Variants in HELB observed in about 807,000 individuals in gnomAD.
The protein encoded by HELB is DNA 5'-3' helicase B.
Under a neutral mutation model 101.7 loss-of-function variants are expected in HELB, and 96 were observed. The ratio of observed to expected loss-of-function variants is 0.94; its 90% CI spans 0.80 to 1.12. The LOEUF (loss-of-function observed/expected upper bound fraction) is 1.12, where lower values mean the gene tolerates loss of function less well. Among genes scored for constraint, HELB ranks in the 50% most tolerant of loss-of-function variants. HELB has a pLI of 0.00. For missense variants in HELB, 1,210 were observed against 1,291.9 expected (o/e 0.94, Z 0.97); for synonymous variants, 437 against 459.7 (o/e 0.95, Z 0.63).
Position 66,306,327 on chromosome 12 carries a change from CT to C in HELB, c.608-15del. The C allele has an allele frequency of 6.5e-7, 1 of 1,534,368 alleles. No individual in the cohort carries two copies. Among genetic ancestry groups the C allele is most frequent in the Non-Finnish European group, 8.8e-7 (1 of 1,140,228 alleles). On this transcript the variant is annotated splice_polypyrimidine_tract_variant and intron_variant, in intron 2 of 12. Coordinates refer to ENST00000247815, the MANE Select transcript of HELB (RefSeq NM_001370285.1). The stretch of plus-strand genomic sequence containing the variant: ...GGTTCATTTATGTTTTACTTTGTTC[CT>C]TTCTGATATCTTGTAGTTCCATTTA...
Position 66,302,531 on chromosome 12 carries a change from A to G in HELB, c.-73A>G, listed in dbSNP as rs2053414754. ...AAGTTGATGGCCTTACAGTCGTAGA[A>G]CTGATTGGCTGATCATGACCATGCA... On this transcript the variant is annotated 5_prime_UTR_variant, in exon 1 of 13. Coordinates refer to ENST00000247815, the MANE Select transcript of HELB (RefSeq NM_001370285.1). 2 of 1,446,096 alleles carry G rather than the reference A, an allele frequency of 1.4e-6. No homozygotes were observed. The highest frequency in any genetic ancestry group is 1.9e-6 in the Non-Finnish European group (2 of 1,043,842). 89.6% of individuals were successfully genotyped at this position (1,446,096 alleles called of 1,614,324 possible).
downstream of HELB, chr12:66,342,494 C>A (rs1173978865): frequency 6.6e-6 from 1 of 152,024 alleles, no homozygotes. Context: ...CCTGCCTCAG[C>A]CTCCCAAGTA....
At chr12:66,332,512 T>C (rs1038527229) in intron 12 of HELB, among the ~76,000 whole-genome samples, 3 of 152,210 alleles carry the variant, frequency 2.0e-5, no homozygotes, top group Non-Finnish European at 4.4e-5. Context: ...CCTCCCTTTG[T>C]CCAGTGTGTC....
At chr12:66,343,160 G>C (rs1338844974), downstream of HELB, 2 of 152,236 alleles carry the variant, frequency 1.3e-5, no homozygotes, top group East Asian at 1.9e-4. Flanking sequence ...GGATCTACTT[G>C]TCAGTTTCTG....
At chr12:66,324,269 T>G (rs1188086258) in intron 10 of HELB, 58 bp downstream of exon 10, 1 of 1,162,192 alleles carries the variant, frequency 8.6e-7, no homozygotes, top group Admixed American at 1.8e-5. Flanking sequence ...TTGGTTATTT[T>G]ATTGTCCTAG....
intron 11 of HELB, among the ~76,000 whole-genome samples, chr12:66,326,586 C>T (rs2137010069): frequency 6.6e-6 from 1 of 152,128 alleles, no homozygotes; most frequent in Middle Eastern, 3.4e-3. Context: ...CCCAAATTTT[C>T]TACTAGTAAA....
At chr12:66,329,572 C>T (rs2053781384) in intron 11 of HELB, among the ~76,000 whole-genome samples, 1 of 152,068 alleles carries the variant, frequency 6.6e-6, no homozygotes, top group Non-Finnish European at 1.5e-5. Context: ...TTTACAAACA[C>T]ATTAAGGGGT....
chr12:66,329,952 TA>T (rs2053786058), intron 11 of HELB, among the ~76,000 whole-genome samples: 1 of 152,206 alleles, frequency 6.6e-6, no homozygotes, highest in Non-Finnish European at 1.5e-5. Flanking sequence ...CGGAAAGATG[TA>T]TTTATCAAAC....
intron 12 of HELB, among the ~76,000 whole-genome samples, chr12:66,334,208 TTCCAACA>T (rs1172494934): frequency 2.0e-5 from 3 of 147,238 alleles, no homozygotes; most frequent in Non-Finnish European, 4.5e-5. Context: ...ACACTTGTAA[TTCCAACA>T]CCTTCAGGAG....
chr12:66,323,570 A>G (rs2053698952), intron 9 of HELB, among the ~76,000 whole-genome samples: 1 of 152,258 alleles, frequency 6.6e-6, no homozygotes, highest in Admixed American at 6.5e-5. Context: ...ATATAGTGCC[A>G]TAATTATTAC....
At chr12:66,333,019 TCATTCAG>T (rs2053826583) in intron 12 of HELB, among the ~76,000 whole-genome samples, 1 of 151,906 alleles carries the variant, frequency 6.6e-6, no homozygotes, top group Non-Finnish European at 1.5e-5. Context: ...TGTCTCCTTC[TCATTCAG>T]CATTTGAAAA....
chr12:66,306,520 TA>T lies in HELB; in HGVS notation c.777+10del. 6.4e-7 allele frequency: 1 copy of T among 1,566,008 alleles called. No individual in the cohort carries two copies. The highest frequency in any genetic ancestry group is 8.6e-7 in the Non-Finnish European group (1 of 1,157,092). Reference sequence around the variant, plus strand: ...GGAAACTTGGATTTAGTAAAGTAAGTAAAACATTTGCTCAGCATATAGTAAT... The same window carrying T: ...GGAAACTTGGATTTAGTAAAGTAAGTAAACATTTGCTCAGCATATAGTAAT... On this transcript the variant is annotated splice_region_variant and intron_variant, in intron 3 of 12. Coordinates refer to ENST00000247815, the MANE Select transcript of HELB (RefSeq NM_001370285.1).
Position 66,314,007 on chromosome 12 carries a change from T to G in HELB, c.1702T>G (p.Trp568Gly). 1 of 1,613,842 alleles carries G rather than the reference T, an allele frequency of 6.2e-7. No homozygotes were observed. The highest frequency in any genetic ancestry group is 1.3e-5 in the African/African-American group (1 of 75,042). The stretch of plus-strand genomic sequence containing the variant: ...GTAGGTCAATTATAGCTTCTATTCA[T>G]GGACTCAAACAATGATGACCACAAA... ...LCQVNYSFYS[W>G]TQTMMTTNKP... The change falls in exon 5 of 13, where the codon TGG becomes GGG. Residue 568 changes from tryptophan to glycine, a missense_variant. Trp to Gly is a radical substitution (Grantham distance 184). This residue lies in a region of HELB where 740 missense variants were observed against 728.8 expected (regional missense o/e 1.02). Transcript: ENST00000247815.
intron 8 of HELB, among the ~76,000 whole-genome samples, chr12:66,322,356 A>G (rs1394340662): frequency 6.6e-6 from 1 of 151,978 alleles, no homozygotes. Flanking sequence ...TGAGGTCAGG[A>G]GTTTGAGACC....
intron 4 of HELB, among the ~76,000 whole-genome samples, chr12:66,311,212 G>A (rs1014913937): frequency 3.3e-5 from 5 of 151,514 alleles, no homozygotes; most frequent in Non-Finnish European, 7.4e-5. Flanking sequence ...TGTAATCCCA[G>A]CACTTTGGGA....
chr12:66,314,785 G>C (rs2053583147), intron 5 of HELB, among the ~76,000 whole-genome samples: 1 of 151,978 alleles, frequency 6.6e-6, no homozygotes, highest in Non-Finnish European at 1.5e-5. Flanking sequence ...CTTATATTTA[G>C]GGCTTATTTG....
chr12:66,314,768 T>C (rs550538192), intron 5 of HELB, among the ~76,000 whole-genome samples: 1 of 152,314 alleles, frequency 6.6e-6, no homozygotes, highest in East Asian at 1.9e-4. Flanking sequence ...CCCCAGTACA[T>C]GTTTTTCTTA....
intron 4 of HELB, among the ~76,000 whole-genome samples, chr12:66,311,949 G>A (rs2053549895): frequency 6.6e-6 from 1 of 152,184 alleles, no homozygotes; most frequent in South Asian, 2.1e-4. Flanking sequence ...GGACTTAGGG[G>A]AAAGGCCTTT....
intron 4 of HELB, 43 bp from the exon 5 acceptor site, chr12:66,313,943 G>T (rs750161316): frequency 6.3e-7 from 1 of 1,588,392 alleles, no homozygotes; most frequent in South Asian, 1.1e-5. Context: ...TGGTTTTGTA[G>T]ATTTTATAAC....
Sources: allele counts gnomAD v4.1 joint callset (sites outside exome capture counted in the v4.1 genomes callset), GRCh38; gene constraint gnomAD v4.1.1; regional missense constraint gnomAD v4.1.1; transcripts MANE v1.5; gene names NCBI Gene and HGNC (gene_info 2026-07-23, HGNC 2026-07-21).